The following VPS50 variants were observed in gnomAD, a reference collection of about 807,000 sequenced individuals.
The protein encoded by VPS50 is VPS50 subunit of EARP/GARPII complex.
VPS50 carries 70 observed loss-of-function variants against 139.7 expected under a neutral mutation model. The ratio of observed to expected loss-of-function variants is 0.50; its 90% CI spans 0.41 to 0.61. The LOEUF (loss-of-function observed/expected upper bound fraction) is 0.61, where lower values mean the gene tolerates loss of function less well. VPS50 is among the 20% of genes least tolerant of loss of function. The probability of loss-of-function intolerance (pLI) is 0.00; values close to 1 mark genes in which losing one functional copy is unlikely to be tolerated. For missense variants in VPS50, 921 were observed against 1,133.7 expected, an observed-to-expected ratio of 0.81 and a Z score of 2.69; for synonymous variants, 365 against 376.7, an observed-to-expected ratio of 0.97 and a Z score of 0.36.
At chr7:93,301,643 G>C (rs1796978562) in intron 16 of VPS50, among the ~76,000 whole-genome samples, 1 of 152,112 alleles carries the variant, frequency 6.6e-6, no homozygotes, top group African/African-American at 2.4e-5. Flanking sequence ...GTGGAGCTCT[G>C]CTAACACCTT....
chr7:93,343,650 C>A (rs1031533873), intron 23 of VPS50, among the ~76,000 whole-genome samples: 2 of 152,330 alleles, frequency 1.3e-5, no homozygotes, highest in South Asian at 4.1e-4. Context: ...AGAAACTCTA[C>A]AAGCCAGAAG....
At chr7:93,307,729 A>C (rs1173306656) in intron 18 of VPS50, among the ~76,000 whole-genome samples, 2 of 151,924 alleles carry the variant, frequency 1.3e-5, no homozygotes, top group Non-Finnish European at 2.9e-5. Flanking sequence ...CTTTCTGCAT[A>C]GCATCAGGAT....
At chr7:93,270,479 G>A (rs888138451) in intron 9 of VPS50, among the ~76,000 whole-genome samples, 1 of 151,942 alleles carries the variant, frequency 6.6e-6, no homozygotes, top group Non-Finnish European at 1.5e-5. Context: ...TTTATTTTAT[G>A]AATGTATCAC....
At chr7:93,288,113 C>G (rs1796544743) in intron 12 of VPS50, among the ~76,000 whole-genome samples, 1 of 152,030 alleles carries the variant, frequency 6.6e-6, no homozygotes, top group South Asian at 2.1e-4. Flanking sequence ...CTTACAAAAC[C>G]ATCAGATCTC....
chr7:93,313,080 T>C (rs1227583476), intron 20 of VPS50, among the ~76,000 whole-genome samples: 2 of 152,228 alleles, frequency 1.3e-5, no homozygotes, highest in Non-Finnish European at 1.5e-5. Context: ...CATTCTAAGA[T>C]GTAGGTTGAA....
chr7:93,285,388 T>C (rs1796453740), intron 12 of VPS50, among the ~76,000 whole-genome samples: 1 of 152,182 alleles, frequency 6.6e-6, no homozygotes, highest in Admixed American at 6.5e-5. Flanking sequence ...CTTTGAAATT[T>C]TTGTAGGGAT....
intron 12 of VPS50, among the ~76,000 whole-genome samples, chr7:93,282,137 G>A (rs1293411875): frequency 6.6e-6 from 1 of 151,756 alleles, no homozygotes; most frequent in Non-Finnish European, 1.5e-5. Context: ...CCTGGAGGCG[G>A]AGCTTGCCGT....
At chr7:93,243,784 G>C (rs1189885043) in intron 2 of VPS50, among the ~76,000 whole-genome samples, 1 of 151,872 alleles carries the variant, frequency 6.6e-6, no homozygotes, top group African/African-American at 2.4e-5. Flanking sequence ...GTGTTTGAGA[G>C]TATTTGTTGA....
intron 9 of VPS50, 192 bp from the exon 10 acceptor site, chr7:93,271,028 C>A: frequency 2.6e-6 from 2 of 759,102 alleles, no homozygotes; most frequent in Non-Finnish European, 3.6e-6. Flanking sequence ...CCTGTTGCTG[C>A]TGCTAATGAC....
chr7:93,296,930 G>A, intron 15 of VPS50, 94 bp downstream of exon 15: 1 of 1,446,098 alleles, frequency 6.9e-7, no homozygotes, highest in Non-Finnish European at 9.0e-7. Context: ...CTTCTTTATG[G>A]AAATGAAGAT....
chr7:93,337,471 A>AT (rs1012321199), intron 22 of VPS50, among the ~76,000 whole-genome samples: 1 of 152,182 alleles, frequency 6.6e-6, no homozygotes, highest in African/African-American at 2.4e-5. Flanking sequence ...TCTATCCCTA[A>AT]TTAACTAGTT....
intron 4 of VPS50, among the ~76,000 whole-genome samples, chr7:93,255,964 G>A (rs1029851722): frequency 4.6e-5 from 7 of 152,086 alleles, no homozygotes; most frequent in African/African-American, 1.7e-4. Context: ...ACTTGCATAC[G>A]TTAATATTAT....
At chr7:93,350,185 C>G in intron 25 of VPS50, 152 bp downstream of exon 25, 1 of 515,450 alleles carries the variant, frequency 1.9e-6, no homozygotes, top group Admixed American at 3.7e-5. Context: ...GGCTTACTTT[C>G]TGAATTTGTC....
chr7:93,292,813 A>G (rs564490558), intron 13 of VPS50, among the ~76,000 whole-genome samples: 59 of 152,122 alleles, frequency 3.9e-4, no homozygotes, highest in Non-Finnish European at 7.5e-4. Flanking sequence ...ATGGATTTTT[A>G]TCCATTTGGA....
intron 21 of VPS50, among the ~76,000 whole-genome samples, chr7:93,330,318 A>G (rs1165180757): frequency 6.6e-6 from 1 of 152,192 alleles, no homozygotes; most frequent in Non-Finnish European, 1.5e-5. Context: ...CCAAGGAGGG[A>G]AAATAGAGAG....
chr7:93,245,952 T>G, intron 2 of VPS50: 2 of 612,050 alleles, frequency 3.3e-6, no homozygotes, highest in South Asian at 4.0e-5. Context: ...TGAATCCTGT[T>G]TCATTTGGAA....
intron 16 of VPS50, among the ~76,000 whole-genome samples, chr7:93,299,834 C>A (rs1796925709): frequency 6.6e-6 from 1 of 151,888 alleles, no homozygotes; most frequent in African/African-American, 2.4e-5. Context: ...TTATATACAC[C>A]CAAAGAACAT....
intron 26 of VPS50, 22 bp from the exon 27 acceptor site, chr7:93,355,864 ATTTTT>A: frequency 2.9e-6 from 4 of 1,379,120 alleles, no homozygotes; most frequent in Middle Eastern, 2.1e-4. Context: ...CCTATAATGT[ATTTTT>A]TTTTATTGTT....
chr7:93,258,531 C>T, intron 8 of VPS50, 139 bp downstream of exon 8: 1 of 660,160 alleles, frequency 1.5e-6, no homozygotes, highest in Admixed American at 2.9e-5. Context: ...TTTTAGACGT[C>T]AAAGATTCTT....
Sources: gnomAD v4.1 joint callset for allele counts (sites outside exome capture counted in the v4.1 genomes callset) on GRCh38, gnomAD v4.1.1 for gene constraint, MANE v1.5 for transcripts, NCBI Gene and HGNC (gene_info 2026-07-23, HGNC 2026-07-21) for gene names.